CD226: variants seen among roughly 807,000 people sequenced by gnomAD.
CD226 encodes the protein CD226 antigen.
In CD226, 24 loss-of-function variants were observed where a neutral mutation model predicts 34.9. The ratio of observed to expected loss-of-function variants is 0.69; its 90% CI spans 0.50 to 0.97. The LOEUF (loss-of-function observed/expected upper bound fraction) is 0.97, where lower values mean the gene tolerates loss of function less well. Among genes scored for constraint, CD226 ranks in the 50% least tolerant of loss-of-function variants. The probability of loss-of-function intolerance (pLI) is 0.00; values close to 1 mark genes in which losing one functional copy is unlikely to be tolerated. For missense variants in CD226, 397 were observed against 412.7 expected (o/e 0.96, Z 0.33); for synonymous variants, 148 against 147.4 (o/e 1.00, Z -0.03).
chr18:69,905,836 A>C (rs1238682544), intron 2 of CD226, among the ~76,000 whole-genome samples: 1 of 152,194 alleles, frequency 6.6e-6, no homozygotes, highest in Admixed American at 6.5e-5. Context: ...AGAGACCCAA[A>C]GAGACAGAGC....
At chr18:69,901,481 C>A (rs2055181926) in intron 2 of CD226, among the ~76,000 whole-genome samples, 1 of 152,090 alleles carries the variant, frequency 6.6e-6, no homozygotes, top group Non-Finnish European at 1.5e-5. Flanking sequence ...AACACTGACC[C>A]AAACTTGATA....
chr18:69,925,635 C>G (rs955761875), intron 2 of CD226, among the ~76,000 whole-genome samples: 8 of 152,058 alleles, frequency 5.3e-5, no homozygotes, highest in African/African-American at 1.9e-4. Context: ...CAAACATGGA[C>G]CCTACACTCT....
intron 3 of CD226, among the ~76,000 whole-genome samples, 191 bp downstream of exon 3, chr18:69,895,510 A>G (rs868214866): frequency 1.3e-5 from 2 of 152,154 alleles, no homozygotes; most frequent in Middle Eastern, 3.2e-3. Flanking sequence ...GCTGTATCTG[A>G]TTGATGGATT....
intron 2 of CD226, among the ~76,000 whole-genome samples, chr18:69,902,859 C>T (rs965438508): frequency 2.0e-5 from 3 of 152,094 alleles, no homozygotes; most frequent in Non-Finnish European, 4.4e-5. Context: ...ATAGTAGTAG[C>T]TCCAGTAGCT....
chr18:69,906,574 G>A (rs8089887), intron 2 of CD226, among the ~76,000 whole-genome samples: 134,953 of 152,232 alleles, frequency 0.89, 61,092 homozygotes, highest in East Asian at 1. Flanking sequence ...TCACCCTTAT[G>A]GCTCTCTCCT....
At chr18:69,956,095 T>G (rs1447279605) in intron 1 of CD226, among the ~76,000 whole-genome samples, 1 of 152,196 alleles carries the variant, frequency 6.6e-6, no homozygotes, top group Non-Finnish European at 1.5e-5. Flanking sequence ...CAGTTGGGGT[T>G]CAGCAGGGAT....
Position 69,864,317 on chromosome 18 carries a change from A to AAC in CD226, c.1006_1007dup (p.Ter337PhefsTer40). 1 of 1,613,862 alleles carries AAC rather than the reference A, an allele frequency of 6.2e-7. No homozygotes were observed. Among genetic ancestry groups the AAC allele is most frequent in the Non-Finnish European group, 8.5e-7 (1 of 1,179,866 alleles). ...TGCACTCATGTCAAGAATAAGCTTA[A>AAC]ACTCTAGTCTTTGGTCTGCGAGAGA... On this transcript the variant is annotated frameshift_variant, in exon 6 of 6. Coordinates refer to ENST00000582621, the MANE Select transcript of CD226 (RefSeq NM_001303618.2). LOFTEE classifies it high-confidence loss of function.
At chr18:69,865,532 TA>T (rs145381746) in intron 5 of CD226, among the ~76,000 whole-genome samples, 6,798 of 151,622 alleles carry the variant, frequency 0.045, 429 homozygotes, top group African/African-American at 0.14. Flanking sequence ...TAAATGTGAC[TA>T]GACTGGCATG....
intron 2 of CD226, among the ~76,000 whole-genome samples, chr18:69,945,975 C>T (rs1422226545): frequency 2.0e-5 from 3 of 151,842 alleles, no homozygotes; most frequent in African/African-American, 7.3e-5. Flanking sequence ...ATGGGAAAGA[C>T]TTGCCCGCAC....
At chr18:69,876,661 A>G (rs956037547) in intron 3 of CD226, among the ~76,000 whole-genome samples, 4 of 152,094 alleles carry the variant, frequency 2.6e-5, no homozygotes, top group African/African-American at 9.7e-5. Context: ...GACTTCTGTG[A>G]CCAAAGGTGT....
chr18:69,909,193 A>G (rs75859286), intron 2 of CD226, among the ~76,000 whole-genome samples: 161 of 152,358 alleles, frequency 1.1e-3, no homozygotes, highest in African/African-American at 3.7e-3. Flanking sequence ...TGCCAGGCAC[A>G]TTAAGTTTCC....
upstream of CD226, among the ~76,000 whole-genome samples, chr18:69,961,132 A>G (rs1392471224): frequency 6.6e-6 from 1 of 152,224 alleles, no homozygotes; most frequent in Non-Finnish European, 1.5e-5. Context: ...CCTATCCAAA[A>G]GAACAGCAAA....
intron 5 of CD226, among the ~76,000 whole-genome samples, 171 bp from the exon 6 acceptor site, chr18:69,864,610 C>A (rs541637354): frequency 6.6e-6 from 1 of 152,280 alleles, no homozygotes; most frequent in Admixed American, 6.5e-5. Flanking sequence ...AAATCATATT[C>A]TTGACTGAGA....
intron 2 of CD226, among the ~76,000 whole-genome samples, chr18:69,917,015 T>C (rs2055394113): frequency 6.6e-6 from 1 of 152,122 alleles, no homozygotes; most frequent in Non-Finnish European, 1.5e-5. Flanking sequence ...TCCTCCTTAA[T>C]AGCCTTACAT....
upstream of CD226, among the ~76,000 whole-genome samples, chr18:69,949,867 CACAT>C (rs1349148179): frequency 6.6e-6 from 1 of 151,794 alleles, no homozygotes; most frequent in Non-Finnish European, 1.5e-5. Context: ...CGTTATCACT[CACAT>C]ATGCACACTG....
intron 1 of CD226, 72 bp from the exon 2 acceptor site, chr18:69,947,141 G>A: frequency 7.7e-7 from 1 of 1,296,438 alleles, no homozygotes; most frequent in South Asian, 1.3e-5. Flanking sequence ...TTAAGCTTTT[G>A]AAGACCTAGT....
rs1374117071 is a variant in CD226, at chr18:69,854,955, A to T, written c.*9359T>A. On this transcript the variant is annotated 3_prime_UTR_variant, in exon 6 of 6. Transcript: ENST00000582621. ...AAGAAGGGGAAAAACACATGAACAAACAAAACAAAGACACTAGAGGAATTT... is the reference window on the plus strand; with the variant it reads ...AAGAAGGGGAAAAACACATGAACAATCAAAACAAAGACACTAGAGGAATTT... 1 of 152,294 alleles carries T rather than the reference A, an allele frequency of 6.6e-6. No homozygotes were observed. The highest frequency in any genetic ancestry group is 2.4e-5 in the African/African-American group (1 of 41,454). 9.4% of individuals were successfully genotyped at this position (152,294 alleles called of 1,614,324 possible). A position where few individuals can be genotyped will look rare whatever the true frequency, so the allele number is the denominator to read the frequency against.
At chr18:69,920,020 C>T (rs181157154) in intron 2 of CD226, among the ~76,000 whole-genome samples, 1 of 152,138 alleles carries the variant, frequency 6.6e-6, no homozygotes, top group Non-Finnish European at 1.5e-5. Context: ...TGTGCCACCA[C>T]ACTCAGCTAA....
chr18:69,938,632 AATC>A (rs1227668002), intron 2 of CD226, among the ~76,000 whole-genome samples: 3 of 152,194 alleles, frequency 2.0e-5, no homozygotes, highest in Non-Finnish European at 4.4e-5. Flanking sequence ...TTTTCACTAA[AATC>A]ATCATTTTTT....
Sources: gnomAD v4.1 joint callset for allele counts (sites outside exome capture counted in the v4.1 genomes callset) on GRCh38, gnomAD v4.1.1 for gene constraint, MANE v1.5 for transcripts, NCBI Gene and HGNC (gene_info 2026-07-23, HGNC 2026-07-21) for gene names.